SCN9A: variants seen among roughly 807,000 people sequenced by gnomAD.
SCN9A encodes sodium voltage-gated channel alpha subunit 9, also known as sodium channel protein type 9 subunit alpha.
SCN9A carries 131 observed loss-of-function variants against 187.0 expected under a neutral mutation model. The ratio of observed to expected loss-of-function variants is 0.70; its 90% confidence interval spans 0.61 to 0.81. SCN9A has a LOEUF of 0.81. Among genes scored for constraint, SCN9A ranks in the 30% least tolerant of loss-of-function variants. SCN9A has a pLI of 0.00. For synonymous variants in SCN9A, 809 were observed against 808.6 expected (o/e 1.00, Z -0.01); for missense variants, 2,252 against 2,396.6 (o/e 0.94, Z 1.26).
intron 1 of SCN9A, among the ~76,000 whole-genome samples, chr2:166,369,384 G>A (rs1308892185): frequency 1.3e-5 from 2 of 152,172 alleles, no homozygotes; most frequent in South Asian, 2.1e-4. Flanking sequence ...TAGTAGAGAT[G>A]TAATATAAAT....
intron 1 of SCN9A, among the ~76,000 whole-genome samples, chr2:166,346,445 A>G (rs149989224): frequency 2.0e-5 from 3 of 152,272 alleles, no homozygotes; most frequent in African/African-American, 7.2e-5. Flanking sequence ...AAACAACTCA[A>G]TACTGTCCAG....
At position 166,293,361 on chromosome 2, in the gene SCN9A, T is replaced by C; in HGVS notation, c.977A>G (p.Glu326Gly). ...GCCAATTTTCACACAGGTGTACCCC[T>C]CTGGACACTGACTACACACGAGAAA... ...GFSTDSGQCP[E>G]GYTCVKIGRN... Residue 326 changes from glutamate (E) to glycine (G), a missense_variant, in exon 9 of 27, where the codon GAG (glutamate) becomes GGG (glycine). Coordinates refer to ENST00000642356, the MANE Select transcript of SCN9A (RefSeq NM_001365536.1). 5 of 1,608,044 alleles carry C rather than the reference T, an allele frequency of 3.1e-6. No individual in the cohort carries two copies. The highest frequency in any genetic ancestry group is 4.2e-6 in the Non-Finnish European group (5 of 1,177,006).
At chr2:166,241,591 T>G (rs1695566223) in intron 19 of SCN9A, among the ~76,000 whole-genome samples, 1 of 152,186 alleles carries the variant, frequency 6.6e-6, no homozygotes, top group African/African-American at 2.4e-5. Context: ...GATTGTATAC[T>G]TGTTCCCCTC....
chr2:166,326,331 A>C (rs1231747622), intron 1 of SCN9A, among the ~76,000 whole-genome samples: 2 of 152,178 alleles, frequency 1.3e-5, no homozygotes, highest in Non-Finnish European at 2.9e-5. Context: ...ATAATACTTA[A>C]ACCAAGTCTA....
At chr2:166,282,958 T>C (rs936958538) in intron 12 of SCN9A, among the ~76,000 whole-genome samples, 3 of 152,182 alleles carry the variant, frequency 2.0e-5, no homozygotes, top group Non-Finnish European at 4.4e-5. Context: ...TTATTAGTTA[T>C]GCAGTGTTTT....
chr2:166,198,964 G>T lies in SCN9A; in HGVS notation c.5675C>A (p.Ser1892Tyr), dbSNP rs746965222. The change falls in exon 27 of 27, where the codon TCT becomes TAT. Residue 1892 changes from serine to tyrosine, a missense_variant. Around this residue, in one of 7 missense-constraint regions of SCN9A, gnomAD observed 345 missense variants for 344.6 expected, o/e 1.00. Coordinates refer to ENST00000642356, the MANE Select transcript of SCN9A (RefSeq NM_001365536.1). ...TTLKRKQEDV[S>Y]ATVIQRAYRR... ...ATAAGCACGCTGAATGACAGTAGCA[G>T]ACACATCCTCTTGTTTCCGTTTTAG... is the stretch of plus-strand genomic sequence containing the variant. The T allele has an allele frequency of 6.2e-6, 10 of 1,613,864 alleles. No individual in the cohort carries two copies. Among genetic ancestry groups the T allele is most frequent in the Non-Finnish European group, 8.5e-6 (10 of 1,179,910 alleles).
At chr2:166,254,631 C>T (rs1696187955) in intron 17 of SCN9A, among the ~76,000 whole-genome samples, 1 of 151,250 alleles carries the variant, frequency 6.6e-6, no homozygotes, top group Non-Finnish European at 1.5e-5. Context: ...TCTATATTAT[C>T]TTCATTTCTT....
chr2:166,214,637 C>G (rs1333050286), intron 24 of SCN9A, among the ~76,000 whole-genome samples: 1 of 145,656 alleles, frequency 6.9e-6, no homozygotes. Context: ...GCCTCAGCCT[C>G]CCGAGTAGCT....
rs564993510 is a variant in SCN9A at position 166,371,877 on chromosome 2, G to A, written c.-51+3820C>T. Among the ~76,000 whole-genome samples, 20 of 152,170 alleles carry A rather than the reference G, an allele frequency of 1.3e-4. No homozygotes were observed. In the East Asian group the frequency reaches 3.7e-3, roughly 28 times the overall value. On this transcript the variant is annotated intron_variant, in intron 1 of 26. Coordinates refer to ENST00000642356, the MANE Select transcript of SCN9A (RefSeq NM_001365536.1). ...TGCTCACAATTAGTGAAATAATTTA[G>A]TCCTTCAAGATGTAATGTGGTAACC...
intron 17 of SCN9A, among the ~76,000 whole-genome samples, chr2:166,265,057 C>A (rs924858368): frequency 1.3e-5 from 2 of 151,960 alleles, no homozygotes; most frequent in Admixed American, 6.6e-5. Flanking sequence ...TTTACCATTT[C>A]TTTGTGAGGA....
intron 16 of SCN9A, among the ~76,000 whole-genome samples, chr2:166,273,499 T>C (rs537264605): frequency 9.1e-4 from 139 of 152,268 alleles, no homozygotes; most frequent in Admixed American, 2.4e-3. Context: ...TCACATGCAA[T>C]AATGGCATTA....
At chr2:166,340,523 TCTC>T (rs1171502777) in intron 1 of SCN9A, among the ~76,000 whole-genome samples, 7 of 142,268 alleles carry the variant, frequency 4.9e-5, no homozygotes, top group Admixed American at 2.1e-4. Context: ...TCCTTCCCTC[TCTC>T]CTTTCTTTTC....
intron 1 of SCN9A, among the ~76,000 whole-genome samples, chr2:166,370,564 A>T (rs967367939): frequency 2.6e-5 from 4 of 151,912 alleles, no homozygotes; most frequent in East Asian, 1.9e-4. Context: ...AAATAAAAAA[A>T]AAAAAGAATC....
chr2:166,304,026 C>A (rs779192695), intron 6 of SCN9A: 1 of 1,612,610 alleles, frequency 6.2e-7, no homozygotes, highest in Non-Finnish European at 8.5e-7. Flanking sequence ...TAACCCCACT[C>A]TCACCTGGAA....
At chr2:166,294,480 A>G (rs985046779) in intron 8 of SCN9A, 119 bp downstream of exon 8, 3 of 677,274 alleles carry the variant, frequency 4.4e-6, no homozygotes, top group South Asian at 4.5e-5. Context: ...AATGAGTCAA[A>G]TAATACCATG....
In SCN9A at chr2:166,281,779, C is replaced by A. The variant is rs200970256; in HGVS notation, c.2004G>T (p.Arg668Ser). Residue 668 changes from arginine (R) to serine (S), a missense_variant, in exon 13 of 27, where the codon AGG becomes AGT. By Grantham distance (110) the Arg-to-Ser change is moderately radical. This residue lies in a region of SCN9A where 1,013 missense variants were observed against 997.4 expected (regional missense o/e 1.02). Coordinates refer to ENST00000642356, the MANE Select transcript of SCN9A (RefSeq NM_001365536.1). ...SGTTNQIHKKRRCSSYLLSED... is the reference protein window; with the variant it reads ...SGTTNQIHKKSRCSSYLLSED... ...CTGAAAGGAGATAGGAACTACAACG[C>A]CTTTTCTTGTGTATTTGATTGGTCG... The A allele has an allele frequency of 2.4e-5, 39 of 1,612,478 alleles. No individual in the cohort carries two copies. The highest frequency in any genetic ancestry group is 3.0e-5 in the Non-Finnish European group (35 of 1,179,304).
At chr2:166,268,914 C>T (rs1368835642) in intron 17 of SCN9A, among the ~76,000 whole-genome samples, 1 of 151,776 alleles carries the variant, frequency 6.6e-6, no homozygotes, top group Non-Finnish European at 1.5e-5. Context: ...AATAATGATG[C>T]AGAAATCGAT....
intron 1 of SCN9A, among the ~76,000 whole-genome samples, chr2:166,366,996 G>A (rs780879054): frequency 2.0e-5 from 3 of 152,138 alleles, no homozygotes; most frequent in Non-Finnish European, 4.4e-5. Flanking sequence ...AGATAATTGA[G>A]TCTTCATGAC....
chr2:166,282,553 A>G (rs2106479776), intron 12 of SCN9A, among the ~76,000 whole-genome samples: 1 of 152,182 alleles, frequency 6.6e-6, no homozygotes, highest in East Asian at 1.9e-4. Context: ...TGTTGGTTCC[A>G]TGCAGGCCAG....
Sources: gnomAD v4.1 joint callset for allele counts (sites outside exome capture counted in the v4.1 genomes callset) on GRCh38, gnomAD v4.1.1 for gene constraint, gnomAD v4.1.1 regional missense constraint, MANE v1.5 for transcripts, NCBI Gene and HGNC (gene_info 2026-07-23, HGNC 2026-07-21) for gene names.